Variants in GRID2 observed in about 807,000 individuals in gnomAD.
GRID2 encodes the protein glutamate ionotropic receptor delta type subunit 2.
In GRID2, 33 loss-of-function variants were observed where a neutral mutation model predicts 114.8. The ratio of observed to expected loss-of-function variants is 0.29; its 90% CI spans 0.22 to 0.38. The LOEUF is 0.38. GRID2 is among the 10% of genes least tolerant of loss of function. The pLI, the probability that GRID2 is intolerant of heterozygous loss-of-function variation, is 1.00. For synonymous variants in GRID2, 505 were observed against 449.9 expected (o/e 1.12, Z -1.55); for missense variants, 1,184 against 1,257.7 (o/e 0.94, Z 0.89).
At chr4:93,233,674 A>G (rs996909700) in intron 7 of GRID2, among the ~76,000 whole-genome samples, 1 of 152,094 alleles carries the variant, frequency 6.6e-6, no homozygotes, top group Non-Finnish European at 1.5e-5. Flanking sequence ...GGGTGGTGAT[A>G]AAATCAGATT....
intron 1 of GRID2, among the ~76,000 whole-genome samples, chr4:92,516,186 A>G (rs1415895515): frequency 6.6e-6 from 1 of 151,932 alleles, no homozygotes; most frequent in African/African-American, 2.4e-5. Context: ...AAAGGGAAAG[A>G]CTGGCTAGTA....
chr4:92,888,062 G>A (rs1017737402), intron 2 of GRID2, among the ~76,000 whole-genome samples: 2 of 152,094 alleles, frequency 1.3e-5, no homozygotes, highest in Non-Finnish European at 2.9e-5. Flanking sequence ...CCTAGAGTTC[G>A]AAGGATTATG....
At chr4:93,474,002 A>G (rs1240200258) in intron 11 of GRID2, among the ~76,000 whole-genome samples, 1 of 152,150 alleles carries the variant, frequency 6.6e-6, no homozygotes, top group Non-Finnish European at 1.5e-5. Context: ...TGCATGTACA[A>G]TTTATACATT....
intron 1 of GRID2, among the ~76,000 whole-genome samples, chr4:92,582,517 A>C (rs924716276): frequency 6.6e-6 from 1 of 152,004 alleles, no homozygotes; most frequent in Non-Finnish European, 1.5e-5. Flanking sequence ...ATATAGTATA[A>C]ATTAAATCAC....
At chr4:92,853,092 A>G (rs1578312780) in intron 2 of GRID2, among the ~76,000 whole-genome samples, 1 of 152,112 alleles carries the variant, frequency 6.6e-6, no homozygotes, top group Non-Finnish European at 1.5e-5. Flanking sequence ...TTGGAATCAC[A>G]TAGACCATGA....
In GRID2 at chr4:92,818,832, C is replaced by G. The variant is rs111969351; in HGVS notation, c.244+228546C>G. Reference sequence around the variant, plus strand: ...GACAACTACCCTTTTGCAATACTTACTTGAAGCATGTTTTCTACATGAATA... The same window carrying G: ...GACAACTACCCTTTTGCAATACTTAGTTGAAGCATGTTTTCTACATGAATA... On this transcript the variant is annotated intron_variant, in intron 2 of 15. Transcript: ENST00000282020. Among the ~76,000 whole-genome samples, 1,284 of 152,202 alleles carry G rather than the reference C, an allele frequency of 8.4e-3. 21 individuals carry two copies. The highest frequency in any genetic ancestry group is 0.027 in the African/African-American group (1,105 of 41,534).
chr4:93,193,536 A>T (rs150545928), intron 4 of GRID2, among the ~76,000 whole-genome samples: 1,953 of 152,180 alleles, frequency 0.013, 51 homozygotes, highest in African/African-American at 0.044. Flanking sequence ...TTCTGCCATG[A>T]TTGTAAGTTT....
rs70942974 is a variant in GRID2, at chr4:93,560,222, T to TAAAAAAAAAAAAAAAAAAAA, written c.2193+44823_2193+44842dup. On this transcript the variant is annotated intron_variant, in intron 13 of 15. Transcript: ENST00000282020. Reference sequence around the variant, plus strand: ...TACGCATGTATTCCAGAACTTAAAGTAAAAAAAAAAAAAAAAAAAAAAAAA... The same window carrying TAAAAAAAAAAAAAAAAAAAA: ...TACGCATGTATTCCAGAACTTAAAGTAAAAAAAAAAAAAAAAAAAAAAAAAAAAAAAAAAAAAAAAAAAAA... 9.8e-4 allele frequency among the ~76,000 whole-genome samples: 42 copies of TAAAAAAAAAAAAAAAAAAAA among 42,954 alleles called. 2 individuals are homozygous for TAAAAAAAAAAAAAAAAAAAA. The highest frequency in any genetic ancestry group is 2.9e-3 in the East Asian group (2 of 678). The allele number at this position is 42,954 out of a possible 152,430, so 28.2% of individuals were successfully genotyped here.
intron 2 of GRID2, among the ~76,000 whole-genome samples, chr4:92,666,939 A>C (rs1732820348): frequency 1.3e-5 from 2 of 151,436 alleles, no homozygotes; most frequent in South Asian, 4.1e-4. Context: ...TTGATCAAAT[A>C]CAGCAATTAA....
At chr4:92,669,082 C>T (rs1025381339) in intron 2 of GRID2, among the ~76,000 whole-genome samples, 3 of 151,702 alleles carry the variant, frequency 2.0e-5, no homozygotes, top group Non-Finnish European at 2.9e-5. Context: ...TAAAATTTAC[C>T]TCTCCTAAAC....
chr4:93,128,480 A>G (rs963985392), intron 4 of GRID2, among the ~76,000 whole-genome samples: 5 of 152,216 alleles, frequency 3.3e-5, no homozygotes, highest in Non-Finnish European at 7.3e-5. Flanking sequence ...TATTGATATG[A>G]TAAGATCACT....
At chr4:93,631,979 T>C (rs1176535683) in intron 14 of GRID2, among the ~76,000 whole-genome samples, 1 of 152,192 alleles carries the variant, frequency 6.6e-6, no homozygotes, top group Non-Finnish European at 1.5e-5. Context: ...ATGATGAGCA[T>C]TTTTTCATGT....
At chr4:93,372,073 G>T (rs1762987373) in intron 8 of GRID2, among the ~76,000 whole-genome samples, 1 of 152,070 alleles carries the variant, frequency 6.6e-6, no homozygotes, top group Admixed American at 6.6e-5. Context: ...TAATTAAAAA[G>T]TACATATACA....
At chr4:93,584,644 G>T (rs953590773) in intron 13 of GRID2, among the ~76,000 whole-genome samples, 1 of 151,984 alleles carries the variant, frequency 6.6e-6, no homozygotes, top group Non-Finnish European at 1.5e-5. Context: ...TTTAACATAA[G>T]CTCTTAATAT....
At chr4:93,186,113 G>A (rs899752717) in intron 4 of GRID2, among the ~76,000 whole-genome samples, 7 of 152,154 alleles carry the variant, frequency 4.6e-5, no homozygotes, top group African/African-American at 1.7e-4. Flanking sequence ...ATTCCATGGT[G>A]TATATGTGCC....
chr4:92,864,564 C>T (rs960347617), intron 2 of GRID2, among the ~76,000 whole-genome samples: 7 of 152,172 alleles, frequency 4.6e-5, no homozygotes, highest in Non-Finnish European at 1.0e-4. Context: ...AGCAAAAGCA[C>T]ATTTATAGCA....
chr4:92,661,398 A>T (rs1394617311), intron 2 of GRID2, among the ~76,000 whole-genome samples: 5 of 150,972 alleles, frequency 3.3e-5, no homozygotes, highest in Non-Finnish European at 4.5e-5. Flanking sequence ...TTTTGTGGCC[A>T]ATACATTAAA....
chr4:93,235,006 A>G (rs972824240), intron 7 of GRID2, among the ~76,000 whole-genome samples: 3 of 152,226 alleles, frequency 2.0e-5, no homozygotes, highest in Admixed American at 6.6e-5. Flanking sequence ...GTAGGAAAAG[A>G]TCCTTCATCA....
At chr4:92,319,175 G>A (rs951527283) in intron 1 of GRID2, among the ~76,000 whole-genome samples, 3 of 152,056 alleles carry the variant, frequency 2.0e-5, no homozygotes, top group Non-Finnish European at 4.4e-5. Flanking sequence ...TTACTCCTAA[G>A]AAGTGAATTT....
Sources: gnomAD v4.1 joint callset for allele counts (sites outside exome capture counted in the v4.1 genomes callset) on GRCh38, gnomAD v4.1.1 for gene constraint, MANE v1.5 for transcripts, NCBI Gene and HGNC (gene_info 2026-07-23, HGNC 2026-07-21) for gene names.